Variants in CFAP57 observed in about 807,000 individuals in gnomAD.
The protein encoded by CFAP57 is cilia and flagella associated protein 57, also known as cilia- and flagella-associated protein 57.
Under a neutral mutation model 146.8 loss-of-function variants are expected in CFAP57, and 116 were observed. The ratio of observed to expected loss-of-function variants is 0.79; its 90% confidence interval spans 0.68 to 0.92. The LOEUF is 0.92. CFAP57 is among the 40% of genes least tolerant of loss of function. The probability of loss-of-function intolerance (pLI) is 0.00; values close to 1 mark genes in which losing one functional copy is unlikely to be tolerated. For missense variants in CFAP57, 1,377 were observed against 1,527.2 expected (o/e 0.90, Z 1.64); for synonymous variants, 518 against 552.8 (o/e 0.94, Z 0.88).
intron 17 of CFAP57, 82 bp downstream of exon 17, chr1:43,224,286 C>T: frequency 7.1e-7 from 1 of 1,412,646 alleles, no homozygotes; most frequent in Non-Finnish European, 9.3e-7. Flanking sequence ...AGAGAGGGTC[C>T]CTAGCTTCTC....
At chr1:43,241,756 A>G (rs891205696) in intron 21 of CFAP57, among the ~76,000 whole-genome samples, 4 of 152,116 alleles carry the variant, frequency 2.6e-5, no homozygotes, top group South Asian at 2.1e-4. Flanking sequence ...TTCCAGACCT[A>G]TGAGTCAGAG....
At position 43,172,854 on chromosome 1, in the gene CFAP57, C is replaced by T. The variant is rs1217415960; in HGVS notation, c.101C>T (p.Ser34Leu). 1.2e-6 allele frequency: 2 copies of T among 1,613,794 alleles called. No individual in the cohort carries two copies. The highest frequency in any genetic ancestry group is 1.7e-6 in the Non-Finnish European group (2 of 1,179,674). ...YFDEQIIIFP[S>L]GNHCVKYNVD... ...GATGAACAGATCATTATATTTCCTT[C>T]AGGAAATCACTGTGTGAAGTACAAT... Residue 34 changes from serine to leucine, a missense_variant, in exon 2 of 23, where the codon TCA becomes TTA. Ser to Leu is a moderately radical substitution (Grantham distance 145). Coordinates refer to ENST00000372492, the MANE Select transcript of CFAP57 (RefSeq NM_001378189.1).
chr1:43,239,465 G>A (rs1645826665), intron 21 of CFAP57, among the ~76,000 whole-genome samples: 1 of 152,080 alleles, frequency 6.6e-6, no homozygotes, highest in Non-Finnish European at 1.5e-5. Flanking sequence ...AGGGGGTGGG[G>A]AGAAGCCAGG....
intron 9 of CFAP57, among the ~76,000 whole-genome samples, chr1:43,202,639 C>T (rs766906775): frequency 3.9e-4 from 59 of 151,746 alleles, no homozygotes; most frequent in African/African-American, 1.3e-3. Context: ...AAAAATCAGC[C>T]GGGTGTGGTG....
intron 17 of CFAP57, among the ~76,000 whole-genome samples, chr1:43,225,769 T>C (rs1164392478): frequency 6.6e-6 from 1 of 152,218 alleles, no homozygotes; most frequent in Non-Finnish European, 1.5e-5. Flanking sequence ...GTGTTGTATT[T>C]ATATTTGGAA....
At chr1:43,195,329 C>T (rs1643801510) in intron 6 of CFAP57, among the ~76,000 whole-genome samples, 1 of 152,182 alleles carries the variant, frequency 6.6e-6, no homozygotes, top group Middle Eastern at 3.4e-3. Context: ...CGAGACCATC[C>T]TGGCCAACAT....
chr1:43,210,883 G>A (rs950970689), intron 11 of CFAP57: 1 of 150,824 alleles, frequency 6.6e-6, no homozygotes, highest in Non-Finnish European at 1.5e-5. Flanking sequence ...TCTTGCACGC[G>A]AAATGGTTGC....
chr1:43,202,576 A>G (rs935543327), intron 9 of CFAP57, among the ~76,000 whole-genome samples: 56 of 151,948 alleles, frequency 3.7e-4, no homozygotes, highest in Non-Finnish European at 6.6e-4. Flanking sequence ...TGAGATCGGG[A>G]GTTCGAGACC....
At chr1:43,193,556 A>G (rs2124388172) in intron 6 of CFAP57, among the ~76,000 whole-genome samples, 1 of 152,168 alleles carries the variant, frequency 6.6e-6, no homozygotes, top group South Asian at 2.1e-4. Context: ...ACTCATTATA[A>G]TCAGATTCAG....
At chr1:43,213,503 T>TGG (rs748440016) in intron 11 of CFAP57, among the ~76,000 whole-genome samples, 1,088 of 86,986 alleles carry the variant, frequency 0.013, 16 homozygotes, top group African/African-American at 0.038. Context: ...ACAATAAATA[T>TGG]GGGGGGGGCG....
intron 9 of CFAP57, among the ~76,000 whole-genome samples, chr1:43,203,996 C>T (rs982460178): frequency 7.2e-5 from 11 of 152,200 alleles, no homozygotes; most frequent in African/African-American, 2.7e-4. Context: ...TGGATGCCCA[C>T]ATTTCTCTGA....
intron 6 of CFAP57, among the ~76,000 whole-genome samples, chr1:43,188,810 A>G (rs7529426): frequency 0.18 from 27,412 of 152,038 alleles, 3,573 homozygotes; most frequent in African/African-American, 0.35. Context: ...TGTGCTTTCC[A>G]TGTTATATTT....
intron 21 of CFAP57, among the ~76,000 whole-genome samples, chr1:43,242,067 C>T (rs1645946595): frequency 6.6e-6 from 1 of 152,180 alleles, no homozygotes; most frequent in Non-Finnish European, 1.5e-5. Flanking sequence ...CTCTGCATTC[C>T]AGTGATGCAG....
chr1:43,185,831 T>C (rs2124319281), intron 5 of CFAP57, among the ~76,000 whole-genome samples: 1 of 151,866 alleles, frequency 6.6e-6, no homozygotes, highest in Admixed American at 6.5e-5. Context: ...GGCAGGAGAA[T>C]AGCTTGAACC....
rs1201841630 is a variant in CFAP57, at chr1:43,227,056, T to C, written c.2939T>C (p.Ile980Thr). Residue 980 changes from isoleucine (I) to threonine (T), a missense_variant, in exon 18 of 23, where the codon ATA becomes ACA. Physicochemically the swap from Ile to Thr is moderately conservative, Grantham distance 89 (BLOSUM62 -1). Coordinates refer to ENST00000372492, the MANE Select transcript of CFAP57 (RefSeq NM_001378189.1). The part of the protein sequence containing the change: ...GKFKFVLDYK[I>T]KELKKQIEPR... ...TTCAAGTTTGTGCTTGACTACAAAA[T>C]AAAGGAGCTGAAGAAGCAAATAGAA... 8 of 1,543,594 alleles carry C rather than the reference T, an allele frequency of 5.2e-6. No homozygotes were observed. Among genetic ancestry groups the C allele is most frequent in the Non-Finnish European group, 1.7e-6 (2 of 1,144,104 alleles).
intron 19 of CFAP57, 59 bp downstream of exon 19, chr1:43,232,683 T>C (rs72684049): frequency 1.5e-6 from 2 of 1,291,570 alleles, no homozygotes; most frequent in Non-Finnish European, 2.1e-6. Flanking sequence ...CTATCTGCAA[T>C]GGGCAGCTGG....
At chr1:43,217,571 C>T (rs1371887224) in intron 12 of CFAP57, among the ~76,000 whole-genome samples, 1 of 152,102 alleles carries the variant, frequency 6.6e-6, no homozygotes, top group Non-Finnish European at 1.5e-5. Flanking sequence ...CAGCCTTCAT[C>T]CATGATCCTT....
chr1:43,246,017 T>C (rs1449992791), intron 22 of CFAP57, among the ~76,000 whole-genome samples: 2 of 152,178 alleles, frequency 1.3e-5, no homozygotes, highest in Admixed American at 1.3e-4. Context: ...AGCAAAAGAC[T>C]GAACACTACA....
At chr1:43,211,010 C>G (rs1012325946) in intron 11 of CFAP57, 8 of 151,494 alleles carry the variant, frequency 5.3e-5, no homozygotes, top group African/African-American at 1.7e-4. Context: ...GTATGTGTCT[C>G]TTCTTCCTTA....
Sources: allele counts gnomAD v4.1 joint callset (sites outside exome capture counted in the v4.1 genomes callset), GRCh38; gene constraint gnomAD v4.1.1; transcripts MANE v1.5; gene names NCBI Gene and HGNC (gene_info 2026-07-23, HGNC 2026-07-21).